Variants in SHISA9 observed in about 807,000 individuals in gnomAD.
The protein encoded by SHISA9 is protein shisa-9.
SHISA9 carries 13 observed loss-of-function variants against 38.0 expected under a neutral mutation model. The observed-to-expected ratio is 0.34, with a 90% CI of 0.22 to 0.54. SHISA9 has a LOEUF of 0.54. SHISA9 is among the 20% of genes least tolerant of loss of function. The pLI, the probability that SHISA9 is intolerant of heterozygous loss-of-function variation, is 0.91. For missense variants in SHISA9, 538 were observed against 575.8 expected (o/e 0.93, Z 0.67); for synonymous variants, 275 against 242.0 (o/e 1.14, Z -1.27).
At chr16:12,904,582 A>T (rs1315426968) in intron 1 of SHISA9, among the ~76,000 whole-genome samples, 1 of 152,162 alleles carries the variant, frequency 6.6e-6, no homozygotes, top group Non-Finnish European at 1.5e-5. Context: ...CTGCAGGTAT[A>T]GGGAGGGTCG....
intron 2 of SHISA9, among the ~76,000 whole-genome samples, chr16:12,933,368 C>T (rs1005037899): frequency 4.6e-5 from 7 of 151,798 alleles, no homozygotes; most frequent in South Asian, 2.1e-4. Flanking sequence ...GATCTTGGCT[C>T]ACTGCAACCT....
At chr16:13,355,106 A>G in the SHISA9 span, among the ~76,000 whole-genome samples, 8 of 150,460 alleles carry the variant, frequency 5.3e-5, no homozygotes, top group Non-Finnish European at 1.2e-4. Context: ...AGGAGAGTAT[A>G]CGGGTTTGGC....
At chr16:13,299,842 G>A in the SHISA9 span, among the ~76,000 whole-genome samples, 51 of 152,276 alleles carry the variant, frequency 3.3e-4, no homozygotes, top group South Asian at 9.9e-3. Flanking sequence ...GTGTGCATGG[G>A]CACCTCTTTT....
chr16:13,422,430 T>C, the SHISA9 span, among the ~76,000 whole-genome samples: 1 of 152,180 alleles, frequency 6.6e-6, no homozygotes, highest in African/African-American at 2.4e-5. Flanking sequence ...GCGTGGTGGC[T>C]CATGCCTGCA....
rs564950189 is a variant in SHISA9, at chr16:13,006,618, A to G, written c.691+89803A>G. Among the ~76,000 whole-genome samples, 4 of 152,366 alleles carry G rather than the reference A, an allele frequency of 2.6e-5. No individual in the cohort carries two copies. The South Asian group carries it at 8.3e-4, about 32-fold the overall frequency. On this transcript the variant is annotated intron_variant, in intron 2 of 4. Coordinates refer to ENST00000558583, the MANE Select transcript of SHISA9 (RefSeq NM_001145204.3). Reference sequence around the variant, plus strand: ...GCCTGGCTCACAATAGGTGCTTACCAAATATTTATTGGATGGACAAGTTAG... The same window carrying G: ...GCCTGGCTCACAATAGGTGCTTACCGAATATTTATTGGATGGACAAGTTAG...
rs137912207 is a variant in SHISA9, at chr16:13,111,804, TTG to T, written c.692-91586_692-91585del. ...TGGATTCTGTAAATGTGTGGCAGAATTGTGTTTAAAGGAGGGTAGGAGACTAT... is the reference window on the plus strand; with the variant it reads ...TGGATTCTGTAAATGTGTGGCAGAATTGTTTAAAGGAGGGTAGGAGACTAT... On this transcript the variant is annotated intron_variant, in intron 2 of 4. Coordinates refer to ENST00000558583, the MANE Select transcript of SHISA9 (RefSeq NM_001145204.3). Among the ~76,000 whole-genome samples, 10 of 152,268 alleles carry T rather than the reference TTG, an allele frequency of 6.6e-5. No homozygotes were observed. In the East Asian group the frequency reaches 1.9e-3, roughly 29 times the overall value.
chr16:12,985,222 AAAAT>A (rs922243831), intron 2 of SHISA9, among the ~76,000 whole-genome samples: 47 of 139,944 alleles, frequency 3.4e-4, no homozygotes, highest in Admixed American at 8.7e-4. Flanking sequence ...CTGTCAACGA[AAAAT>A]AAATAAATAA....
chr16:13,050,489 A>T (rs1247391249), intron 2 of SHISA9, among the ~76,000 whole-genome samples: 1 of 152,014 alleles, frequency 6.6e-6, no homozygotes, highest in Non-Finnish European at 1.5e-5. Flanking sequence ...ACACCACCAC[A>T]CCTGGCTAAT....
chr16:13,254,424 A>G, the SHISA9 span, among the ~76,000 whole-genome samples: 3 of 152,216 alleles, frequency 2.0e-5, no homozygotes, highest in Non-Finnish European at 4.4e-5. Flanking sequence ...AGGGTTTGTT[A>G]CGAGTTATTA....
chr16:13,141,463 G>T (rs1596676959), intron 2 of SHISA9, among the ~76,000 whole-genome samples: 1 of 152,004 alleles, frequency 6.6e-6, no homozygotes, highest in Non-Finnish European at 1.5e-5. Flanking sequence ...AAGGCAAGCA[G>T]ATCATGAGGT....
the SHISA9 span, among the ~76,000 whole-genome samples, chr16:13,391,162 C>T: frequency 6.6e-6 from 1 of 152,108 alleles, no homozygotes; most frequent in Non-Finnish European, 1.5e-5. Flanking sequence ...AGCAGTGTGT[C>T]CTGCTGAATA....
chr16:13,307,956 C>T, the SHISA9 span, among the ~76,000 whole-genome samples: 1,599 of 152,268 alleles, frequency 0.011, 37 homozygotes, highest in African/African-American at 0.036. Context: ...AATGAACTTG[C>T]GTTCACAAAT....
chr16:13,243,407 T>C (rs1362469657), downstream of SHISA9, among the ~76,000 whole-genome samples: 1 of 152,082 alleles, frequency 6.6e-6, no homozygotes, highest in Non-Finnish European at 1.5e-5. Flanking sequence ...TTAAGAAATA[T>C]ATTGGTTTGG....
intron 2 of SHISA9, among the ~76,000 whole-genome samples, chr16:13,045,640 G>GAGGGAA (rs1567193861): frequency 1.4e-5 from 2 of 138,180 alleles, no homozygotes; most frequent in African/African-American, 5.3e-5. Flanking sequence ...GGGAGAGGGA[G>GAGGGAA]AAATCAGTAA....
intron 2 of SHISA9, among the ~76,000 whole-genome samples, chr16:13,111,138 A>G (rs1245551316): frequency 5.9e-5 from 9 of 152,172 alleles, no homozygotes; most frequent in South Asian, 4.1e-4. Context: ...GCATGGGTAA[A>G]GACTTCATGA....
At chr16:12,967,344 G>A (rs1460905146) in intron 2 of SHISA9, among the ~76,000 whole-genome samples, 4 of 152,108 alleles carry the variant, frequency 2.6e-5, no homozygotes, top group Non-Finnish European at 5.9e-5. Context: ...TCACTCATAG[G>A]TGGGAACTGA....
intron 2 of SHISA9, among the ~76,000 whole-genome samples, chr16:13,118,642 C>T (rs1359687265): frequency 6.6e-6 from 1 of 152,082 alleles, no homozygotes; most frequent in African/African-American, 2.4e-5. Context: ...CCAGGGGATG[C>T]CGATGGTGAC....
intron 3 of SHISA9, among the ~76,000 whole-genome samples, chr16:13,210,982 T>G (rs971651060): frequency 2.0e-5 from 3 of 152,198 alleles, no homozygotes; most frequent in African/African-American, 7.2e-5. Flanking sequence ...ACCAAGGTAC[T>G]CATCATTTTT....
At chr16:13,264,363 G>A in the SHISA9 span, among the ~76,000 whole-genome samples, 1 of 151,966 alleles carries the variant, frequency 6.6e-6, no homozygotes, top group African/African-American at 2.4e-5. Context: ...AGTAGAGACA[G>A]CATTTCACCA....
Sources: allele counts gnomAD v4.1 joint callset (sites outside exome capture counted in the v4.1 genomes callset), GRCh38; gene constraint gnomAD v4.1.1; transcripts MANE v1.5; gene names NCBI Gene and HGNC (gene_info 2026-07-23, HGNC 2026-07-21).